Variants in OR6N1 observed in about 807,000 individuals in gnomAD.
OR6N1 encodes olfactory receptor family 6 subfamily N member 1, also known as olfactory receptor 6N1.
For synonymous variants in OR6N1, 170 were observed against 150.7 expected, an observed-to-expected ratio of 1.13 and a Z score of -0.94; for missense variants, 394 against 371.7, an observed-to-expected ratio of 1.06 and a Z score of -0.49.
chr1:158,806,248 T>G, the OR6N1 span, among the ~76,000 whole-genome samples: 9 of 152,292 alleles, frequency 5.9e-5, no homozygotes, highest in Non-Finnish European at 1.2e-4. Flanking sequence ...CAGCATAGAC[T>G]TCTTGAAAGC....
At chr1:158,794,845 T>C in the OR6N1 span, among the ~76,000 whole-genome samples, 1 of 152,196 alleles carries the variant, frequency 6.6e-6, no homozygotes, top group Non-Finnish European at 1.5e-5. Flanking sequence ...CAGGAGGTGG[T>C]ACCCGTAAAA....
the OR6N1 span, among the ~76,000 whole-genome samples, chr1:158,793,329 T>C: frequency 1.3e-5 from 2 of 152,196 alleles, no homozygotes; most frequent in African/African-American, 4.8e-5. Context: ...TTATCTTTTG[T>C]GAGTTTCATA....
At chr1:158,810,696 A>T in the OR6N1 span, among the ~76,000 whole-genome samples, 643 of 152,334 alleles carry the variant, frequency 4.2e-3, 7 homozygotes, top group African/African-American at 0.015. Context: ...CATGGAGAAC[A>T]ACACCTTGAT....
At chr1:158,769,909 C>T (rs1266226498) in intron 1 of OR6N1, among the ~76,000 whole-genome samples, 1 of 152,124 alleles carries the variant, frequency 6.6e-6, no homozygotes, top group Non-Finnish European at 1.5e-5. Flanking sequence ...CCCAATTCTG[C>T]CTTCTGTTTT....
chr1:158,820,453 C>A, the OR6N1 span, among the ~76,000 whole-genome samples: 1 of 152,168 alleles, frequency 6.6e-6, no homozygotes, highest in Non-Finnish European at 1.5e-5. Flanking sequence ...GAAAATAATA[C>A]TTAATTGTAA....
At chr1:158,794,178 T>C in the OR6N1 span, among the ~76,000 whole-genome samples, 1 of 152,112 alleles carries the variant, frequency 6.6e-6, no homozygotes, top group East Asian at 1.9e-4. Context: ...ATAGCAGAAG[T>C]CTCAGCTTTG....
chr1:158,770,915 A>G (rs17698133), intron 1 of OR6N1, among the ~76,000 whole-genome samples: 17,202 of 152,234 alleles, frequency 0.11, 1,277 homozygotes, highest in Admixed American at 0.22. Flanking sequence ...TCCAATGACC[A>G]GAAACCTGGC....
At chr1:158,794,628 T>C in the OR6N1 span, among the ~76,000 whole-genome samples, 3 of 152,202 alleles carry the variant, frequency 2.0e-5, no homozygotes, top group Non-Finnish European at 4.4e-5. Context: ...GTTTCCTTAG[T>C]TAGAAATAGC....
chr1:158,836,795 G>A, the OR6N1 span, among the ~76,000 whole-genome samples: 304 of 151,236 alleles, frequency 2.0e-3, 1 homozygote, highest in Non-Finnish European at 3.7e-3. Flanking sequence ...GTTCCTTATG[G>A]TGTAAAGTCA....
chr1:158,790,587 G>C, the OR6N1 span, among the ~76,000 whole-genome samples: 1 of 151,842 alleles, frequency 6.6e-6, no homozygotes, highest in African/African-American at 2.4e-5. Flanking sequence ...TGTATTTTTA[G>C]TAGAGATGGG....
At chr1:158,813,135 G>A in the OR6N1 span, among the ~76,000 whole-genome samples, 1 of 152,202 alleles carries the variant, frequency 6.6e-6, no homozygotes. Flanking sequence ...TGGAGAGGCT[G>A]CAAGGAGCAG....
chr1:158,816,568 C>A, the OR6N1 span, among the ~76,000 whole-genome samples: 2,457 of 151,982 alleles, frequency 0.016, 43 homozygotes, highest in Non-Finnish European at 0.026. Flanking sequence ...CACATGCCTG[C>A]AGTTCCAGCT....
upstream of OR6N1, chr1:158,776,912 CA>C: frequency 1.2e-6 from 2 of 1,614,008 alleles, no homozygotes; most frequent in Non-Finnish European, 1.7e-6. Context: ...AGATGTGAGG[CA>C]CAGGTAGAAA....
chr1:158,812,312 GT>G, the OR6N1 span, among the ~76,000 whole-genome samples: 1 of 152,174 alleles, frequency 6.6e-6, no homozygotes, highest in African/African-American at 2.4e-5. Context: ...ATTTAACATT[GT>G]ATATAATGAG....
upstream of OR6N1, among the ~76,000 whole-genome samples, chr1:158,774,022 G>T (rs1303754129): frequency 6.6e-6 from 1 of 152,160 alleles, no homozygotes; most frequent in Non-Finnish European, 1.5e-5. Flanking sequence ...TGGTTCCACA[G>T]AATTTCTAAT....
chr1:158,829,178 AT>A, the OR6N1 span, among the ~76,000 whole-genome samples: 4 of 152,216 alleles, frequency 2.6e-5, no homozygotes, highest in South Asian at 8.3e-4. Flanking sequence ...CATGATTAAC[AT>A]TTAGCTCCTC....
the OR6N1 span, among the ~76,000 whole-genome samples, chr1:158,831,009 C>T: frequency 6.6e-6 from 1 of 152,164 alleles, no homozygotes. Context: ...GCTCCTGCCA[C>T]TCTGTGAACA....
intron 1 of OR6N1, among the ~76,000 whole-genome samples, chr1:158,771,000 C>A (rs1391941621): frequency 6.6e-6 from 1 of 152,180 alleles, no homozygotes; most frequent in East Asian, 1.9e-4. Context: ...TTCAAACATT[C>A]TTTTCATCAC....
the OR6N1 span, among the ~76,000 whole-genome samples, chr1:158,799,361 A>T: frequency 6.6e-6 from 1 of 152,286 alleles, no homozygotes; most frequent in Non-Finnish European, 1.5e-5. Flanking sequence ...GGCTCATATA[A>T]ATCGTGTTTA....
Sources: gnomAD v4.1 joint callset for allele counts (sites outside exome capture counted in the v4.1 genomes callset) on GRCh38, gnomAD v4.1.1 for gene constraint, MANE v1.5 for transcripts, NCBI Gene and HGNC (gene_info 2026-07-23, HGNC 2026-07-21) for gene names.